TMEM255B: variants seen among roughly 807,000 people sequenced by gnomAD.
TMEM255B encodes the protein transmembrane protein 255B.
TMEM255B carries 35 observed loss-of-function variants against 34.5 expected under a neutral mutation model. The ratio of observed to expected loss-of-function variants is 1.01; its 90% CI spans 0.77 to 1.34. The LOEUF is 1.34. TMEM255B is among the 40% of genes most tolerant of loss of function. TMEM255B has a pLI of 0.00. For synonymous variants in TMEM255B, 206 were observed against 201.2 expected (o/e 1.02, Z -0.20); for missense variants, 432 against 433.2 (o/e 1.00, Z 0.02).
chr13:113,807,719 T>C (rs1472996458), intron 8 of TMEM255B, among the ~76,000 whole-genome samples: 27 of 96,178 alleles, frequency 2.8e-4, no homozygotes, highest in South Asian at 1.3e-3. Context: ...TGGTCCTCCC[T>C]GTCACACGTG....
At chr13:113,795,288 C>A in intron 4 of TMEM255B, 51 bp downstream of exon 4, 2 of 1,563,208 alleles carry the variant, frequency 1.3e-6, no homozygotes, top group South Asian at 1.1e-5. Flanking sequence ...CTGAAAGAGT[C>A]GACGTGAAAA....
intron 3 of TMEM255B, among the ~76,000 whole-genome samples, chr13:113,772,418 G>T (rs187069672): frequency 5.9e-5 from 9 of 152,254 alleles, no homozygotes; most frequent in African/African-American, 9.6e-5. Context: ...CAAATCTAAG[G>T]ACATGAAGAT....
intron 3 of TMEM255B, among the ~76,000 whole-genome samples, chr13:113,784,805 G>A (rs960097622): frequency 5.3e-5 from 8 of 152,246 alleles, no homozygotes; most frequent in African/African-American, 1.7e-4. Context: ...AATTAGCCTG[G>A]GACGAGCTGC....
At chr13:113,811,531 G>C (rs2051307282) in intron 8 of TMEM255B, among the ~76,000 whole-genome samples, 1 of 135,166 alleles carries the variant, frequency 7.4e-6, no homozygotes, top group South Asian at 2.5e-4. Context: ...GGCCCTGTGT[G>C]AGTGGCCCTA....
chr13:113,793,595 C>T (rs1362930450), intron 3 of TMEM255B, among the ~76,000 whole-genome samples: 1 of 152,234 alleles, frequency 6.6e-6, no homozygotes, highest in African/African-American at 2.4e-5. Flanking sequence ...GCCCGCTGCC[C>T]CAGCCCTACC....
chr13:113,810,224 G>A (rs532717161), intron 8 of TMEM255B, among the ~76,000 whole-genome samples: 1 of 152,184 alleles, frequency 6.6e-6, no homozygotes, highest in Non-Finnish European at 1.5e-5. Context: ...GGGGCAAGAG[G>A]AGCACAGAGC....
In TMEM255B at chr13:113,769,206, G is replaced by A. The variant is rs780129652; in HGVS notation, c.252+46G>A. On this transcript the variant is annotated intron_variant, in intron 3 of 8. Transcript: ENST00000375353. This position sits in a 1 kb window ranked among gnomAD's most constrained non-coding sequence, Gnocchi z 4.2. The stretch of plus-strand genomic sequence containing the variant: ...GTGGGGAGCATGAGTCCCTCATCAG[G>A]GGATGGTACAGCTGCACTGGGGCTC... The A allele has an allele frequency of 1.2e-6, 2 of 1,601,856 alleles. No homozygotes were observed. The highest frequency in any genetic ancestry group is 2.2e-5 in the South Asian group (2 of 90,750).
chr13:113,764,583 G>A (rs1239714542), intron 1 of TMEM255B, among the ~76,000 whole-genome samples: 6 of 152,216 alleles, frequency 3.9e-5, no homozygotes, highest in Non-Finnish European at 5.9e-5. Flanking sequence ...TGACACATCC[G>A]GAGCGCCCTG....
Position 113,815,232 on chromosome 13 carries a change from C to T in TMEM255B, c.*3329C>T, listed in dbSNP as rs1034836488. The T allele has an allele frequency of 1.3e-5, 2 of 151,898 alleles. No homozygotes were observed. The highest frequency in any genetic ancestry group is 4.8e-5 in the African/African-American group (2 of 41,260). The allele number at this position is 151,898 out of a possible 1,614,324, so 9.4% of individuals were successfully genotyped here. A position where few individuals can be genotyped will look rare whatever the true frequency, so the allele number is the denominator to read the frequency against. ...AGTCCGTCCACATGGGGCCAACGGC[C>T]ACAAAGAGAGGAAGGGACATGGGTG... On this transcript the variant is annotated 3_prime_UTR_variant, in exon 9 of 9. Transcript: ENST00000375353.
chr13:113,801,202 A>G (rs1245031279), intron 6 of TMEM255B, among the ~76,000 whole-genome samples: 8 of 152,226 alleles, frequency 5.3e-5, no homozygotes, highest in African/African-American at 1.7e-4. Context: ...GAAAAGACAG[A>G]GGCTCTGAAA....
rs3934941 is a variant in TMEM255B at position 113,801,051 on chromosome 13, A to G, written c.509+139A>G. The G allele has an allele frequency of 2.6e-3, 820 of 317,578 alleles. 21 individuals are homozygous for G. The East Asian group carries it at 0.1, about 41-fold the overall frequency. 19.7% of individuals were successfully genotyped at this position (317,578 alleles called of 1,614,324 possible). ...CCTGAGGGAGGTGAGGGGCGCTGGG[A>G]ACCCCCGTATGTGCCTGCAGGGGTG... On this transcript the variant is annotated intron_variant, in intron 6 of 8. Transcript: ENST00000375353.
At chr13:113,759,376 T>C in intron 1 of TMEM255B, 61 bp downstream of exon 1, 1 of 1,219,862 alleles carries the variant, frequency 8.2e-7, no homozygotes, top group Non-Finnish European at 1.0e-6. Context: ...ACCCCGGGGC[T>C]GGGACTACAG....
At chr13:113,774,517 A>C (rs904743580) in intron 3 of TMEM255B, among the ~76,000 whole-genome samples, 1 of 151,502 alleles carries the variant, frequency 6.6e-6, no homozygotes. Context: ...CACACGACAC[A>C]CTCCACACAG....
intron 3 of TMEM255B, among the ~76,000 whole-genome samples, chr13:113,777,545 C>T (rs1031488348): frequency 3.7e-4 from 56 of 152,328 alleles, no homozygotes; most frequent in African/African-American, 1.3e-3. Context: ...GCTCCCCCAG[C>T]GCTGTGCTGA....
chr13:113,766,245 C>T lies in TMEM255B; in HGVS notation c.177C>T (p.Tyr59=). The change falls in exon 2 of 9, where the codon TAC becomes TAT. Residue 59 remains tyrosine (Y), a synonymous_variant. Coordinates refer to ENST00000375353, the MANE Select transcript of TMEM255B (RefSeq NM_182614.4). The part of the protein sequence containing the change: ...RTENVTVGGY[Y]PGIILGFGSF... The stretch of plus-strand genomic sequence containing the variant: ...AGAATGTGACCGTTGGGGGCTACTA[C>T]CCAGGGATCATTGTGAGTGCGCCGG... 3.1e-6 allele frequency: 5 copies of T among 1,614,166 alleles called. No individual in the cohort carries two copies. In the South Asian group the frequency reaches 4.4e-5, roughly 14 times the overall value.
intron 8 of TMEM255B, among the ~76,000 whole-genome samples, chr13:113,807,411 C>G (rs111714894): frequency 0.015 from 1,521 of 101,674 alleles, 20 homozygotes; most frequent in East Asian, 0.035. Context: ...CGTGGGCTTA[C>G]GGGATGTGGG....
At chr13:113,793,703 A>G (rs2050871115) in intron 3 of TMEM255B, among the ~76,000 whole-genome samples, 4 of 152,216 alleles carry the variant, frequency 2.6e-5, no homozygotes, top group Admixed American at 2.6e-4. Context: ...CTGCTGAAGG[A>G]TAAAAACACC....
In TMEM255B at chr13:113,813,023, G is replaced by A. The variant is rs11620228; in HGVS notation, c.*1120G>A. 66,516 of 116,384 alleles carry A rather than the reference G, an allele frequency of 0.57. 20,222 individuals carry two copies. Among genetic ancestry groups the A allele is most frequent in the East Asian group, 0.89 (3,421 of 3,848 alleles). 7.2% of individuals were successfully genotyped at this position (116,384 alleles called of 1,614,324 possible). A position where few individuals can be genotyped will look rare whatever the true frequency, so the allele number is the denominator to read the frequency against. ...GGTCCCGAGTGGGTCACGGGTCCCG[G>A]GTGGGTCACAGGCGCCCCAGTGACA... On this transcript the variant is annotated 3_prime_UTR_variant, in exon 9 of 9. Coordinates refer to ENST00000375353, the MANE Select transcript of TMEM255B (RefSeq NM_182614.4).
chr13:113,788,632 G>A (rs1429864092), intron 3 of TMEM255B, among the ~76,000 whole-genome samples: 1 of 152,108 alleles, frequency 6.6e-6, no homozygotes, highest in African/African-American at 2.4e-5. Flanking sequence ...CCTGTGAGAT[G>A]GAAGTGGCTG....
Sources: gnomAD v4.1 joint callset for allele counts (sites outside exome capture counted in the v4.1 genomes callset) on GRCh38, gnomAD v4.1.1 for gene constraint, Gnocchi (gnomAD v3.1) non-coding constraint, MANE v1.5 for transcripts, NCBI Gene and HGNC (gene_info 2026-07-23, HGNC 2026-07-21) for gene names.